The following FRAS1 variants were observed in gnomAD, a reference collection of about 807,000 sequenced individuals.
FRAS1 encodes extracellular matrix organizing protein FRAS1.
A neutral mutation model predicts 435.2 loss-of-function variants in FRAS1; 290 were observed. That is an observed-to-expected ratio of 0.67 (90% CI 0.61 to 0.73). The LOEUF (loss-of-function observed/expected upper bound fraction) is 0.73, where lower values mean the gene tolerates loss of function less well. Among genes scored for constraint, FRAS1 ranks in the 30% least tolerant of loss-of-function variants. The probability of loss-of-function intolerance (pLI) is 0.00; values close to 1 mark genes in which losing one functional copy is unlikely to be tolerated. For missense variants in FRAS1, 4,860 were observed against 5,001.5 expected (o/e 0.97, Z 0.85); for synonymous variants, 1,800 against 1,851.0 (o/e 0.97, Z 0.71).
At chr4:78,314,474 A>G (rs1455336421) in intron 15 of FRAS1, among the ~76,000 whole-genome samples, 4 of 152,146 alleles carry the variant, frequency 2.6e-5, no homozygotes, top group South Asian at 2.1e-4. Context: ...GCTCCTTGCC[A>G]TGGTCTTCCA....
At chr4:78,446,318 A>T in intron 42 of FRAS1, 16 of 1,019,550 alleles carry the variant, frequency 1.6e-5, no homozygotes, top group Non-Finnish European at 1.9e-5. Flanking sequence ...AGAGACCCAC[A>T]CTTTCAAATA....
chr4:78,506,522 C>T (rs183019583), intron 61 of FRAS1, among the ~76,000 whole-genome samples: 2 of 141,164 alleles, frequency 1.4e-5, no homozygotes, highest in African/African-American at 2.8e-5. Context: ...GCGCTAGCAG[C>T]GAGCAAAGCT....
chr4:78,380,497 T>C (rs1731971011), intron 27 of FRAS1, among the ~76,000 whole-genome samples: 1 of 152,222 alleles, frequency 6.6e-6, no homozygotes, highest in Admixed American at 6.5e-5. Context: ...GATCCAGTTT[T>C]CCCCTGATGC....
intron 9 of FRAS1, among the ~76,000 whole-genome samples, chr4:78,274,474 A>T (rs1378948380): frequency 6.6e-6 from 1 of 151,942 alleles, no homozygotes; most frequent in East Asian, 1.9e-4. Context: ...TTCCCTCTAC[A>T]CACTGCTTTA....
intron 63 of FRAS1, among the ~76,000 whole-genome samples, chr4:78,510,344 A>T (rs115283924): frequency 0.011 from 1,721 of 152,246 alleles, 36 homozygotes; most frequent in African/African-American, 0.039. Context: ...TATTTATTTA[A>T]TGCCATTCTA....
intron 1 of FRAS1, among the ~76,000 whole-genome samples, chr4:78,064,644 T>G (rs1379215424): frequency 1.3e-5 from 2 of 151,944 alleles, no homozygotes; most frequent in African/African-American, 4.8e-5. Flanking sequence ...GACATAAAAA[T>G]TATTTCAATA....
chr4:78,391,216 T>C (rs938671705), intron 29 of FRAS1, among the ~76,000 whole-genome samples: 2 of 152,180 alleles, frequency 1.3e-5, no homozygotes, highest in African/African-American at 4.8e-5. Context: ...AAGTTCTACA[T>C]CACTTCCCCC....
intron 23 of FRAS1, among the ~76,000 whole-genome samples, chr4:78,370,350 A>C (rs1032209219): frequency 7.9e-5 from 12 of 152,234 alleles, no homozygotes; most frequent in African/African-American, 2.4e-4. Flanking sequence ...AAGATTTCAC[A>C]TACAAAAATT....
At chr4:78,296,527 G>A (rs1208854517) in intron 14 of FRAS1, among the ~76,000 whole-genome samples, 1 of 152,156 alleles carries the variant, frequency 6.6e-6, no homozygotes, top group Non-Finnish European at 1.5e-5. Context: ...CTGGGGAGGA[G>A]GAAGTGGTCT....
At chr4:78,282,620 AT>A (rs1727384786) in intron 11 of FRAS1, among the ~76,000 whole-genome samples, 199 bp from the exon 12 acceptor site, 1 of 152,018 alleles carries the variant, frequency 6.6e-6, no homozygotes, top group South Asian at 2.1e-4. Context: ...AGTAAAACCC[AT>A]TATGAACAAA....
At chr4:78,364,141 A>G (rs1440601087) in intron 22 of FRAS1, 87 bp downstream of exon 22, 4 of 1,389,956 alleles carry the variant, frequency 2.9e-6, no homozygotes, top group Non-Finnish European at 3.9e-6. Flanking sequence ...TCTTACTTCC[A>G]TCTTCTCACC....
chr4:78,450,169 C>G lies in FRAS1; in HGVS notation c.6293C>G (p.Thr2098Arg), dbSNP rs762110434. Residue 2098 changes from threonine to arginine, a missense_variant, in exon 45 of 74, where the codon ACA becomes AGA. Thr to Arg is a moderately conservative substitution (Grantham distance 71). Transcript: ENST00000512123. ...TTCCAAGGGTCTGTAGCACGCATCA[C>G]AGAACAGCACTTGAAAGTGACAGAT... ...QLSAGSVARITEQHLKVTDID... is the reference protein window; with the variant it reads ...QLSAGSVARIREQHLKVTDID... 5.0e-6 allele frequency: 8 copies of G among 1,613,662 alleles called. No homozygotes were observed. The Admixed American group carries it at 1.3e-4, about 27-fold the overall frequency.
rs988786557 is a variant in FRAS1 at position 78,174,902 on chromosome 4, A to T, written c.109-62608A>T. 3.3e-5 allele frequency among the ~76,000 whole-genome samples: 5 copies of T among 152,158 alleles called. No individual in the cohort carries two copies. In the South Asian group the frequency reaches 8.3e-4, roughly 25 times the overall value. ...ATAAACCCTAAATGTAAATCACTGA[A>T]TTTTCTTCTAGCAGCATCAGAATAA... is the stretch of plus-strand genomic sequence containing the variant. On this transcript the variant is annotated intron_variant, in intron 2 of 73. Coordinates refer to ENST00000512123, the MANE Select transcript of FRAS1 (RefSeq NM_025074.7).
intron 2 of FRAS1, among the ~76,000 whole-genome samples, chr4:78,120,935 T>G (rs537409985): frequency 1.3e-5 from 2 of 152,314 alleles, no homozygotes; most frequent in East Asian, 3.9e-4. Context: ...CTTTGCTACT[T>G]CGTGGGAAAT....
At chr4:78,144,287 AG>A (rs1350567689) in intron 2 of FRAS1, among the ~76,000 whole-genome samples, 1 of 152,156 alleles carries the variant, frequency 6.6e-6, no homozygotes, top group Middle Eastern at 3.2e-3. Flanking sequence ...CAATGTCAAA[AG>A]TTAATGTTTT....
chr4:78,108,467 A>C (rs1210156846), intron 2 of FRAS1, among the ~76,000 whole-genome samples: 1 of 88,394 alleles, frequency 1.1e-5, no homozygotes. Flanking sequence ...GTTCAACTAC[A>C]TGGAAACTGA....
chr4:78,415,200 C>G (rs1733503117), intron 32 of FRAS1, among the ~76,000 whole-genome samples: 1 of 152,080 alleles, frequency 6.6e-6, no homozygotes, highest in South Asian at 2.1e-4. Context: ...GTTTGGTTTT[C>G]CATTCCTGAA....
chr4:78,479,275 G>A, intron 55 of FRAS1, 99 bp from the exon 56 acceptor site: 1 of 676,560 alleles, frequency 1.5e-6, no homozygotes, highest in Admixed American at 3.7e-5. Context: ...AATAGTGATG[G>A]ACTGTTTGGG....
At chr4:78,402,762 C>T (rs957964281) in intron 30 of FRAS1, among the ~76,000 whole-genome samples, 7 of 152,300 alleles carry the variant, frequency 4.6e-5, no homozygotes, top group Admixed American at 2.6e-4. Flanking sequence ...TTATTTGCCA[C>T]GTCTTCTTGG....
Sources: gnomAD v4.1 joint callset for allele counts (sites outside exome capture counted in the v4.1 genomes callset) on GRCh38, gnomAD v4.1.1 for gene constraint, MANE v1.5 for transcripts, NCBI Gene and HGNC (gene_info 2026-07-23, HGNC 2026-07-21) for gene names.